The following DLG2 variants were observed in gnomAD, a reference collection of about 807,000 sequenced individuals.
DLG2 encodes the protein discs large MAGUK scaffold protein 2.
A neutral mutation model predicts 132.5 loss-of-function variants in DLG2; 45 were observed. The ratio of observed to expected loss-of-function variants is 0.34; its 90% CI spans 0.27 to 0.44. The LOEUF (loss-of-function observed/expected upper bound fraction) is 0.44. DLG2 is among the 20% of genes least tolerant of loss of function. The probability of loss-of-function intolerance (pLI) is 1.00; values close to 1 mark genes in which losing one functional copy is unlikely to be tolerated. For synonymous variants in DLG2, 424 were observed against 419.6 expected, an observed-to-expected ratio of 1.01 and a Z score of -0.13; for missense variants, 1,045 against 1,196.9, an observed-to-expected ratio of 0.87 and a Z score of 1.87.
intron 3 of DLG2, among the ~76,000 whole-genome samples, chr11:85,521,634 C>T (rs192059546): frequency 1.4e-4 from 21 of 152,238 alleles, no homozygotes; most frequent in African/African-American, 4.8e-4. Flanking sequence ...AAGTTTGGAA[C>T]TTCCTAGGGA....
At chr11:85,618,871 C>A (rs1435602181) in intron 2 of DLG2, among the ~76,000 whole-genome samples, 1 of 152,184 alleles carries the variant, frequency 6.6e-6, no homozygotes, top group Non-Finnish European at 1.5e-5. Context: ...ATCAAATATT[C>A]TATCATAAAT....
At chr11:84,711,383 C>CGAGAGAGAGAGAGAGA (rs1565737230) in intron 6 of DLG2, among the ~76,000 whole-genome samples, 1 of 26,234 alleles carries the variant, frequency 3.8e-5, no homozygotes, top group Non-Finnish European at 5.8e-5. Context: ...AGAGAGAGAT[C>CGAGAGAGAGAGAGAGA]GATCGATCTA....
At chr11:85,095,286 T>A (rs995962862) in intron 6 of DLG2, among the ~76,000 whole-genome samples, 11 of 152,204 alleles carry the variant, frequency 7.2e-5, no homozygotes, top group Admixed American at 2.6e-4. Context: ...ATGTTGCCAA[T>A]AGACTTGCTA....
intron 3 of DLG2, among the ~76,000 whole-genome samples, chr11:85,561,255 C>A (rs1366577978): frequency 7.1e-6 from 1 of 140,274 alleles, no homozygotes; most frequent in Non-Finnish European, 1.5e-5. Flanking sequence ...TCTCTTGAGC[C>A]CAGGAGTTCA....
In DLG2 at chr11:84,736,376, A is replaced by G. The variant is rs10437737; in HGVS notation, c.358-201645T>C. Among the ~76,000 whole-genome samples, 791 of 151,558 alleles carry G rather than the reference A, an allele frequency of 5.2e-3. 3 individuals are homozygous for G. The highest frequency in any genetic ancestry group is 8.9e-3 in the Non-Finnish European group (604 of 67,720). Reference sequence around the variant, plus strand: ...ACTCTCCTAGGTACTTTAAATTTTCATACAATTTTTAGAATTAACCTGTTA... The same window carrying G: ...ACTCTCCTAGGTACTTTAAATTTTCGTACAATTTTTAGAATTAACCTGTTA... On this transcript the variant is annotated intron_variant, in intron 6 of 27. Transcript: ENST00000376104.
chr11:85,507,993 C>G (rs1340087136), intron 3 of DLG2, among the ~76,000 whole-genome samples: 2 of 152,056 alleles, frequency 1.3e-5, no homozygotes, highest in Non-Finnish European at 2.9e-5. Context: ...TTCAGTTGAT[C>G]AAATTGCTAC....
At chr11:83,481,626 G>T (rs11233635) in intron 22 of DLG2, among the ~76,000 whole-genome samples, 1,637 of 152,212 alleles carry the variant, frequency 0.011, 15 homozygotes, top group Middle Eastern at 0.017. Context: ...GTGTTGGTCT[G>T]TGATCAGAAC....
intron 17 of DLG2, among the ~76,000 whole-genome samples, chr11:83,802,875 T>C (rs2044851237): frequency 6.6e-6 from 1 of 152,126 alleles, no homozygotes; most frequent in African/African-American, 2.4e-5. Context: ...TTTAAGGGGC[T>C]ATGGTATTGT....
intron 4 of DLG2, among the ~76,000 whole-genome samples, chr11:85,254,873 C>T (rs556488140): frequency 2.5e-4 from 38 of 151,910 alleles, no homozygotes; most frequent in Non-Finnish European, 4.0e-4. Flanking sequence ...TGGTGGCAGG[C>T]GTGTAGTCCC....
chr11:84,597,821 A>C (rs1193765254), intron 6 of DLG2, among the ~76,000 whole-genome samples: 1 of 152,210 alleles, frequency 6.6e-6, no homozygotes, highest in African/African-American at 2.4e-5. Context: ...AGCACCATCT[A>C]TGAAGTATTC....
chr11:84,383,522 A>C (rs901888858), intron 7 of DLG2, among the ~76,000 whole-genome samples: 1 of 152,088 alleles, frequency 6.6e-6, no homozygotes, highest in African/African-American at 2.4e-5. Flanking sequence ...TATAAGACAC[A>C]CTTCTTAGAA....
chr11:84,604,262 T>C (rs576311560), intron 6 of DLG2, among the ~76,000 whole-genome samples: 1 of 151,960 alleles, frequency 6.6e-6, no homozygotes, highest in South Asian at 2.1e-4. Flanking sequence ...CTCAGTTAAT[T>C]TTCCAGAAGT....
At chr11:84,276,373 T>A (rs138174250) in intron 7 of DLG2, among the ~76,000 whole-genome samples, 30 of 152,352 alleles carry the variant, frequency 2.0e-4, no homozygotes, top group African/African-American at 6.7e-4. Context: ...TCCTACTTTC[T>A]AAGTTCAAGT....
At chr11:84,353,884 A>C (rs1411353976) in intron 7 of DLG2, among the ~76,000 whole-genome samples, 1 of 152,152 alleles carries the variant, frequency 6.6e-6, no homozygotes, top group East Asian at 1.9e-4. Context: ...ACTCAGGTTT[A>C]ATTTATGTTA....
At chr11:83,860,002 A>G (rs560215839) in intron 16 of DLG2, among the ~76,000 whole-genome samples, 1 of 152,306 alleles carries the variant, frequency 6.6e-6, no homozygotes, top group Admixed American at 6.5e-5. Flanking sequence ...CTGTGATGGC[A>G]CAGAAGTCAA....
In DLG2 at chr11:85,070,493, G is replaced by C. The variant is rs532353614; in HGVS notation, c.357+41168C>G. The stretch of plus-strand genomic sequence containing the variant: ...CCTACTCGGTACATTCAGGTGACAG[G>C]TACTTAAAAGCCTAGACTTAACCAA... On this transcript the variant is annotated intron_variant, in intron 6 of 27. Transcript: ENST00000376104. 4.0e-5 allele frequency among the ~76,000 whole-genome samples: 6 copies of C among 151,676 alleles called. No homozygotes were observed. The East Asian group carries it at 1.2e-3, about 30-fold the overall frequency.
chr11:83,965,924 T>C (rs1011063111), intron 12 of DLG2, among the ~76,000 whole-genome samples: 2 of 152,040 alleles, frequency 1.3e-5, no homozygotes, highest in Non-Finnish European at 2.9e-5. Flanking sequence ...AGTGACTAGT[T>C]GTTTGTAGCA....
chr11:85,478,121 C>T (rs990983814), intron 3 of DLG2, among the ~76,000 whole-genome samples: 6 of 151,960 alleles, frequency 3.9e-5, no homozygotes, highest in African/African-American at 1.2e-4. Context: ...AATCCTAATG[C>T]CTCAGCTTCC....
intron 6 of DLG2, among the ~76,000 whole-genome samples, chr11:84,734,405 G>A (rs2063554814): frequency 6.6e-6 from 1 of 152,130 alleles, no homozygotes; most frequent in African/African-American, 2.4e-5. Context: ...AAGCAATTGT[G>A]AATGGAGTTC....
Sources: allele counts gnomAD v4.1 joint callset (sites outside exome capture counted in the v4.1 genomes callset), GRCh38; gene constraint gnomAD v4.1.1; transcripts MANE v1.5; gene names NCBI Gene and HGNC (gene_info 2026-07-23, HGNC 2026-07-21).